The following IQCM variants were observed in gnomAD, a reference collection of about 807,000 sequenced individuals.
IQCM encodes IQ domain-containing protein M.
IQCM carries 45 observed loss-of-function variants against 57.6 expected under a neutral mutation model. The observed-to-expected ratio is 0.78, with a 90% CI of 0.62 to 1.00. The LOEUF is 1.00. Ranked by LOEUF, IQCM falls within the 50% of genes least tolerant of loss-of-function variation. The probability of loss-of-function intolerance (pLI) is 0.00; values close to 1 mark genes in which losing one functional copy is unlikely to be tolerated. For missense variants in IQCM, 468 were observed against 511.6 expected (o/e 0.91, Z 0.82); for synonymous variants, 148 against 158.9 (o/e 0.93, Z 0.51).
intron 12 of IQCM, among the ~76,000 whole-genome samples, chr4:149,469,886 G>A (rs546479343): frequency 9.2e-5 from 14 of 152,162 alleles, no homozygotes; most frequent in Non-Finnish European, 1.5e-4. Context: ...CTTCATAAGT[G>A]AAGGAGAAAT....
At chr4:149,429,651 A>G (rs1271855103) in intron 13 of IQCM, among the ~76,000 whole-genome samples, 1 of 151,912 alleles carries the variant, frequency 6.6e-6, no homozygotes, top group Admixed American at 6.6e-5. Context: ...AAACAGGAGT[A>G]CCTACATTGT....
chr4:149,756,155 G>A (rs139763039), intron 2 of IQCM, among the ~76,000 whole-genome samples: 8 of 152,226 alleles, frequency 5.3e-5, no homozygotes, highest in Admixed American at 5.2e-4. Context: ...AGACTGCAAG[G>A]TTAATGAATG....
At chr4:149,641,167 AAACT>A (rs1332894764) in intron 7 of IQCM, among the ~76,000 whole-genome samples, 7 of 152,220 alleles carry the variant, frequency 4.6e-5, no homozygotes, top group African/African-American at 1.4e-4. Flanking sequence ...CTCAAATATT[AAACT>A]AACTATGAGA....
At chr4:149,732,270 T>G (rs548843488) in intron 5 of IQCM, among the ~76,000 whole-genome samples, 1 of 152,146 alleles carries the variant, frequency 6.6e-6, no homozygotes, top group East Asian at 1.9e-4. Context: ...CCAAAATATA[T>G]CATATTCTTA....
intron 8 of IQCM, among the ~76,000 whole-genome samples, chr4:149,604,378 T>A (rs1278431931): frequency 6.6e-6 from 1 of 152,236 alleles, no homozygotes; most frequent in African/African-American, 2.4e-5. Flanking sequence ...TGCCTTTATG[T>A]AGCTCTATAT....
intron 7 of IQCM, among the ~76,000 whole-genome samples, chr4:149,662,667 G>T (rs1760328250): frequency 6.6e-6 from 1 of 151,632 alleles, no homozygotes; most frequent in South Asian, 2.1e-4. Flanking sequence ...AACCTTCTCT[G>T]TTTCTTTCTA....
At chr4:149,712,185 C>T (rs1193677519) in intron 5 of IQCM, among the ~76,000 whole-genome samples, 1 of 152,104 alleles carries the variant, frequency 6.6e-6, no homozygotes, top group African/African-American at 2.4e-5. Context: ...AATGCCAGAA[C>T]ACACATGCTG....
chr4:149,472,852 A>G (rs1739731567), intron 12 of IQCM, among the ~76,000 whole-genome samples: 1 of 152,168 alleles, frequency 6.6e-6, no homozygotes, highest in Non-Finnish European at 1.5e-5. Context: ...GACAAACCTG[A>G]CAAAAAAAAA....
At chr4:149,791,279 A>C (rs1772582015) in intron 2 of IQCM, among the ~76,000 whole-genome samples, 1 of 152,100 alleles carries the variant, frequency 6.6e-6, no homozygotes, top group South Asian at 2.1e-4. Flanking sequence ...TTTAACTAGA[A>C]ACTTAAAAAA....
chr4:149,806,989 C>A (rs913687439), intron 2 of IQCM, among the ~76,000 whole-genome samples: 30 of 151,634 alleles, frequency 2.0e-4, no homozygotes, highest in African/African-American at 7.2e-4. Flanking sequence ...ACCTACAAAA[C>A]ACTGATAAAA....
chr4:149,624,671 T>C (rs1756645514), intron 7 of IQCM, among the ~76,000 whole-genome samples: 2 of 152,214 alleles, frequency 1.3e-5, no homozygotes, highest in African/African-American at 4.8e-5. Context: ...GTGACAAATA[T>C]TATCTTAGTA....
At chr4:149,662,882 G>A (rs1223568861) in intron 7 of IQCM, among the ~76,000 whole-genome samples, 2 of 151,768 alleles carry the variant, frequency 1.3e-5, no homozygotes, top group Non-Finnish European at 2.9e-5. Flanking sequence ...TTTAATTAGG[G>A]GATTTAACCC....
At chr4:149,411,758 T>C (rs1733395767) in intron 13 of IQCM, among the ~76,000 whole-genome samples, 1 of 152,168 alleles carries the variant, frequency 6.6e-6, no homozygotes, top group African/African-American at 2.4e-5. Flanking sequence ...TACTATGCTA[T>C]GTTACTTAAA....
intron 13 of IQCM, among the ~76,000 whole-genome samples, chr4:149,432,381 C>A (rs755146848): frequency 6.6e-6 from 1 of 151,726 alleles, no homozygotes; most frequent in Non-Finnish European, 1.5e-5. Context: ...TGCAAAACTG[C>A]GAAGTTAATT....
intron 12 of IQCM, among the ~76,000 whole-genome samples, chr4:149,541,173 T>C (rs1396079301): frequency 1.3e-5 from 2 of 152,146 alleles, no homozygotes; most frequent in Non-Finnish European, 2.9e-5. Flanking sequence ...TGCAGCATTG[T>C]TGGTTTGTGG....
At chr4:149,589,247 T>G (rs1394165158) in intron 8 of IQCM, among the ~76,000 whole-genome samples, 1 of 151,994 alleles carries the variant, frequency 6.6e-6, no homozygotes, top group Non-Finnish European at 1.5e-5. Context: ...GAGTTGTTAG[T>G]GTTGTTGTCT....
intron 12 of IQCM, among the ~76,000 whole-genome samples, chr4:149,523,590 A>G (rs1745873872): frequency 6.6e-6 from 1 of 152,182 alleles, no homozygotes; most frequent in Non-Finnish European, 1.5e-5. Flanking sequence ...GAAAAACCGC[A>G]AGACAGAAAG....
intron 13 of IQCM, among the ~76,000 whole-genome samples, chr4:149,375,285 G>A (rs962779097): frequency 6.6e-6 from 1 of 152,070 alleles, no homozygotes; most frequent in South Asian, 2.1e-4. Context: ...GCTGCTATTT[G>A]TGCTACTACA....
chr4:149,620,043 G>C (rs1756187051), intron 8 of IQCM, among the ~76,000 whole-genome samples: 1 of 152,112 alleles, frequency 6.6e-6, no homozygotes, highest in Admixed American at 6.6e-5. Flanking sequence ...GGTAATCCCA[G>C]CTACTCAGAA....
Sources: gnomAD v4.1 joint callset for allele counts (sites outside exome capture counted in the v4.1 genomes callset) on GRCh38, gnomAD v4.1.1 for gene constraint, MANE v1.5 for transcripts, NCBI Gene and HGNC (gene_info 2026-07-23, HGNC 2026-07-21) for gene names.